Variants in AGAP1 observed in about 807,000 individuals in gnomAD.
AGAP1 encodes the protein ArfGAP with GTPase domain, ankyrin repeat and PH domain 1.
A neutral mutation model predicts 105.3 loss-of-function variants in AGAP1; 29 were observed. The observed-to-expected ratio is 0.28, with a 90% CI of 0.21 to 0.38. The LOEUF is 0.38. Ranked by LOEUF, AGAP1 falls within the 10% of genes least tolerant of loss-of-function variation. The probability of loss-of-function intolerance (pLI) is 1.00; values close to 1 mark genes in which losing one functional copy is unlikely to be tolerated. For synonymous variants in AGAP1, 509 were observed against 485.9 expected (o/e 1.05, Z -0.63); for missense variants, 998 against 1,165.1 (o/e 0.86, Z 2.09).
intron 1 of AGAP1, among the ~76,000 whole-genome samples, chr2:235,688,769 T>C (rs1949593196): frequency 6.6e-6 from 1 of 152,220 alleles, no homozygotes; most frequent in Admixed American, 6.5e-5. Flanking sequence ...TGGGGTGCTT[T>C]GGTGACAGCT....
At chr2:235,980,868 G>A (rs906846369) in intron 13 of AGAP1, among the ~76,000 whole-genome samples, 2 of 152,146 alleles carry the variant, frequency 1.3e-5, no homozygotes, top group African/African-American at 4.8e-5. Flanking sequence ...CATTTGAAAG[G>A]ATGGGATTGT....
chr2:235,711,143 G>A lies in AGAP1; in HGVS notation c.222+1906G>A, dbSNP rs189675799. 4.1e-4 allele frequency among the ~76,000 whole-genome samples: 62 copies of A among 152,340 alleles called. No homozygotes were observed. The East Asian group carries it at 6.8e-3, about 17-fold the overall frequency. On this transcript the variant is annotated intron_variant, in intron 2 of 17. Coordinates refer to ENST00000304032, the MANE Select transcript of AGAP1 (RefSeq NM_001037131.3). ...TCCTGCGTCTGCACTGCCCAGTGCC[G>A]TCACGGCTGGCGCCATGTGGCTGTT...
intron 12 of AGAP1, among the ~76,000 whole-genome samples, chr2:235,935,209 T>C (rs914467464): frequency 6.6e-6 from 1 of 152,220 alleles, no homozygotes; most frequent in African/African-American, 2.4e-5. Context: ...GAGACCTGCA[T>C]CTGCCCTTAG....
At chr2:236,075,031 C>A (rs1347913529) in intron 16 of AGAP1, among the ~76,000 whole-genome samples, 1 of 152,098 alleles carries the variant, frequency 6.6e-6, no homozygotes, top group Non-Finnish European at 1.5e-5. Flanking sequence ...CCAGCTTAGA[C>A]GATAGAGACA....
chr2:236,069,493 G>T (rs536029309), intron 16 of AGAP1, among the ~76,000 whole-genome samples: 4 of 152,146 alleles, frequency 2.6e-5, no homozygotes, highest in African/African-American at 7.2e-5. Context: ...GCACAACCTC[G>T]GCTCACTGCA....
intron 1 of AGAP1, among the ~76,000 whole-genome samples, chr2:235,696,495 T>C (rs1357271951): frequency 6.6e-6 from 1 of 152,154 alleles, no homozygotes; most frequent in African/African-American, 2.4e-5. Flanking sequence ...CTTTCCAGCC[T>C]GGATTGTGGC....
chr2:235,780,920 G>A (rs10177467), intron 6 of AGAP1, among the ~76,000 whole-genome samples: 5,920 of 152,182 alleles, frequency 0.039, 377 homozygotes, highest in African/African-American at 0.13. Flanking sequence ...ATTAAATACT[G>A]TGGGGTTTTT....
chr2:236,122,253 T>C lies in AGAP1; in HGVS notation c.2371-1666T>C, dbSNP rs573624332. On this transcript the variant is annotated intron_variant, in intron 17 of 17. Coordinates refer to ENST00000304032, the MANE Select transcript of AGAP1 (RefSeq NM_001037131.3). ...GGTATCAGCCTCCCAGCCCAGCCTT[T>C]TCCTCTTCTCATATAGATACTAACC... 2.3e-4 allele frequency among the ~76,000 whole-genome samples: 35 copies of C among 152,240 alleles called. 1 individual carries two copies. In the South Asian group the frequency reaches 5.2e-3, roughly 23 times the overall value.
chr2:235,499,502 C>A (rs73116449), intron 1 of AGAP1, among the ~76,000 whole-genome samples: 3,596 of 152,216 alleles, frequency 0.024, 144 homozygotes, highest in African/African-American at 0.082. Context: ...TTTGCAGTCC[C>A]CTCCTTAAAA....
intron 12 of AGAP1, among the ~76,000 whole-genome samples, chr2:235,968,221 G>T (rs1030006376): frequency 1.3e-5 from 2 of 152,196 alleles, no homozygotes; most frequent in African/African-American, 2.4e-5. Context: ...ATAGCATGCT[G>T]CTGATAGAAA....
intron 13 of AGAP1, among the ~76,000 whole-genome samples, chr2:236,016,381 CTTTTTT>C (rs151088125): frequency 2.6e-5 from 3 of 114,670 alleles, no homozygotes; most frequent in African/African-American, 3.3e-5. Flanking sequence ...GTTGGGTTTG[CTTTTTT>C]TTTTTTTTTT....
In AGAP1 at chr2:236,024,037, T is replaced by G. The variant is rs1217917769; in HGVS notation, c.1646-12524T>G. Among the ~76,000 whole-genome samples, 24 of 98,450 alleles carry G rather than the reference T, an allele frequency of 2.4e-4. No individual in the cohort carries two copies. In the East Asian group the frequency reaches 2.6e-3, roughly 11 times the overall value. 64.6% of individuals were successfully genotyped at this position (98,450 alleles called of 152,430 possible). On this transcript the variant is annotated intron_variant, in intron 13 of 17. Transcript: ENST00000304032. Reference sequence around the variant, plus strand: ...TGGTTGGTTGTTTTTTTTTTTTGTTTTTTTTTTTTTTTGGAGACAGTCTCA... The same window carrying G: ...TGGTTGGTTGTTTTTTTTTTTTGTTGTTTTTTTTTTTTGGAGACAGTCTCA...
At position 235,961,744 on chromosome 2, in the gene AGAP1, T is replaced by A. The variant is rs1027421606; in HGVS notation, c.1484-6718T>A. Among the ~76,000 whole-genome samples the A allele has an allele frequency of 6.6e-6, 1 of 152,174 alleles. No individual in the cohort carries two copies. On this transcript the variant is annotated intron_variant, in intron 12 of 17. Coordinates refer to ENST00000304032, the MANE Select transcript of AGAP1 (RefSeq NM_001037131.3). The surrounding 1 kb of genome is among the most constrained non-coding windows in gnomAD (Gnocchi z 5.9). ...CCAACATGTTGAAACCCGTCTCTAC[T>A]AAAAATACGAAAATTAGCTGGGCGT...
At chr2:235,760,041 A>T (rs951555264) in intron 6 of AGAP1, among the ~76,000 whole-genome samples, 1 of 152,228 alleles carries the variant, frequency 6.6e-6, no homozygotes, top group Admixed American at 6.5e-5. Flanking sequence ...AGCTTCTGGC[A>T]CATCAACTGA....
rs1211245744 is a variant in AGAP1, at chr2:235,723,361, C to T, written c.310+5717C>T. ...TGATGCCACTCAGCTTTTAACTCTC[C>T]TTTCAAAAGAGAAAAAGTCAAAGGA... On this transcript the variant is annotated intron_variant, in intron 3 of 17. Coordinates refer to ENST00000304032, the MANE Select transcript of AGAP1 (RefSeq NM_001037131.3). The surrounding 1 kb of genome is among the most constrained non-coding windows in gnomAD (Gnocchi z 6.2). Among the ~76,000 whole-genome samples, 1 of 152,190 alleles carries T rather than the reference C, an allele frequency of 6.6e-6. No homozygotes were observed. Among genetic ancestry groups the T allele is most frequent in the Non-Finnish European group, 1.5e-5 (1 of 68,042 alleles).
intron 9 of AGAP1, chr2:235,852,781 G>C: frequency 6.5e-7 from 1 of 1,532,866 alleles, no homozygotes; most frequent in Non-Finnish European, 8.8e-7. Context: ...CAGGGCCGAG[G>C]GGTGGTCAGA....
intron 1 of AGAP1, among the ~76,000 whole-genome samples, chr2:235,651,524 A>G (rs969231921): frequency 3.3e-5 from 5 of 152,198 alleles, no homozygotes; most frequent in South Asian, 2.1e-4. Flanking sequence ...ACAAAAACCA[A>G]TTAATCTGAA....
intron 1 of AGAP1, among the ~76,000 whole-genome samples, chr2:235,707,009 G>A (rs953059350): frequency 5.9e-5 from 9 of 152,242 alleles, no homozygotes; most frequent in African/African-American, 2.2e-4. Flanking sequence ...ACGCTAGTGC[G>A]TTCCTCGCAT....
In AGAP1 at chr2:235,855,933, A is replaced by G. The variant is rs2048667021; in HGVS notation, c.1051-27412A>G. On this transcript the variant is annotated intron_variant, in intron 9 of 17. Transcript: ENST00000304032. The surrounding 1 kb of genome is among the most constrained non-coding windows in gnomAD (Gnocchi z 5.0). ...TCATTATTATTATTATTTTCTTTTG[A>G]GATGGAGTCTCGCTCTGTCACCCAG... Among the ~76,000 whole-genome samples the G allele has an allele frequency of 6.6e-6, 1 of 152,028 alleles. No individual in the cohort carries two copies. Among genetic ancestry groups the G allele is most frequent in the Non-Finnish European group, 1.5e-5 (1 of 68,026 alleles).
Sources: gnomAD v4.1 joint callset for allele counts (sites outside exome capture counted in the v4.1 genomes callset) on GRCh38, gnomAD v4.1.1 for gene constraint, Gnocchi (gnomAD v3.1) non-coding constraint, MANE v1.5 for transcripts, NCBI Gene and HGNC (gene_info 2026-07-23, HGNC 2026-07-21) for gene names.